Variants in ARHGAP10 observed in about 807,000 individuals in gnomAD.
ARHGAP10 encodes the protein rho GTPase-activating protein 10.
In ARHGAP10, 87 loss-of-function variants were observed where a neutral mutation model predicts 108.6. That is an observed-to-expected ratio of 0.80 (90% CI 0.67 to 0.96). The LOEUF (loss-of-function observed/expected upper bound fraction) is 0.96. ARHGAP10 is among the 40% of genes least tolerant of loss of function. ARHGAP10 has a pLI of 0.00. For synonymous variants in ARHGAP10, 347 were observed against 341.1 expected, an observed-to-expected ratio of 1.02 and a Z score of -0.19; for missense variants, 939 against 954.5, an observed-to-expected ratio of 0.98 and a Z score of 0.21.
intron 10 of ARHGAP10, among the ~76,000 whole-genome samples, chr4:147,898,389 T>C (rs1415313608): frequency 1.3e-5 from 2 of 152,054 alleles, no homozygotes; most frequent in Non-Finnish European, 2.9e-5. Flanking sequence ...TTCTTATCAG[T>C]CTCTCCTCTC....
At chr4:147,855,000 T>C (rs1014938561) in intron 4 of ARHGAP10, among the ~76,000 whole-genome samples, 4 of 152,208 alleles carry the variant, frequency 2.6e-5, no homozygotes, top group African/African-American at 9.7e-5. Context: ...GATTAAAGCG[T>C]CACCCCTTCC....
At chr4:148,017,430 T>G (rs992062905) in intron 18 of ARHGAP10, among the ~76,000 whole-genome samples, 2 of 152,100 alleles carry the variant, frequency 1.3e-5, no homozygotes, top group Non-Finnish European at 2.9e-5. Context: ...TTACCAGGTA[T>G]AGACAGTACC....
At chr4:148,037,282 CAGT>C (rs1469242970) in intron 19 of ARHGAP10, among the ~76,000 whole-genome samples, 1 of 152,164 alleles carries the variant, frequency 6.6e-6, no homozygotes, top group Non-Finnish European at 1.5e-5. Flanking sequence ...ACTGCTGCCC[CAGT>C]AGTTTCAAAA....
rs1560756538 is a variant in ARHGAP10 at position 147,784,685 on chromosome 4, A to AT, written c.155-38042_155-38041insT. 7.3e-4 allele frequency among the ~76,000 whole-genome samples: 61 copies of AT among 83,022 alleles called. 22 individuals carry two copies. The highest frequency in any genetic ancestry group is 1.2e-3 in the Admixed American group (6 of 5,038). 54.5% of individuals were successfully genotyped at this position (83,022 alleles called of 152,430 possible). ...AATATATATTATATATTATAAATAT[A>AT]AAATATATATTATAAAATATATATT... On this transcript the variant is annotated intron_variant, in intron 1 of 22. Transcript: ENST00000336498.
chr4:147,944,834 C>T (rs981161548), intron 14 of ARHGAP10, among the ~76,000 whole-genome samples: 1 of 152,056 alleles, frequency 6.6e-6, no homozygotes, highest in African/African-American at 2.4e-5. Context: ...CAATATCATT[C>T]GTCGTAACCC....
intron 4 of ARHGAP10, chr4:147,854,942 G>C: frequency 1.1e-6 from 1 of 893,026 alleles, no homozygotes; most frequent in Non-Finnish European, 1.3e-6. Context: ...CCCACATGTT[G>C]ATTTTCATAG....
chr4:148,013,391 G>GT (rs1414566325), intron 18 of ARHGAP10, among the ~76,000 whole-genome samples: 1 of 152,132 alleles, frequency 6.6e-6, no homozygotes, highest in Non-Finnish European at 1.5e-5. Flanking sequence ...GAATGAAGAG[G>GT]TCCATGGCTT....
At chr4:148,045,820 T>C (rs1175827282) in intron 19 of ARHGAP10, among the ~76,000 whole-genome samples, 3 of 152,138 alleles carry the variant, frequency 2.0e-5, no homozygotes, top group Non-Finnish European at 4.4e-5. Context: ...GCTGGTGTTC[T>C]TGCTTGCTTT....
At chr4:148,016,367 G>T (rs751714329) in intron 18 of ARHGAP10, among the ~76,000 whole-genome samples, 4 of 152,012 alleles carry the variant, frequency 2.6e-5, no homozygotes, top group Non-Finnish European at 5.9e-5. Context: ...CTTGGTTGTG[G>T]TGGCACGCGC....
At chr4:147,805,052 C>T (rs749914002) in intron 1 of ARHGAP10, among the ~76,000 whole-genome samples, 2 of 152,106 alleles carry the variant, frequency 1.3e-5, no homozygotes, top group Non-Finnish European at 2.9e-5. Flanking sequence ...TTGGCTAGGT[C>T]CTCTATCCAG....
intron 4 of ARHGAP10, among the ~76,000 whole-genome samples, chr4:147,853,081 C>T (rs1303553722): frequency 6.6e-6 from 1 of 152,148 alleles, no homozygotes; most frequent in African/African-American, 2.4e-5. Flanking sequence ...TGTTCAGGGT[C>T]GCAGGTGGCT....
chr4:147,962,491 T>G (rs527881596), intron 16 of ARHGAP10, among the ~76,000 whole-genome samples: 1 of 152,296 alleles, frequency 6.6e-6, no homozygotes, highest in African/African-American at 2.4e-5. Context: ...GTTAGTTAGG[T>G]AATTTGTTCA....
At chr4:148,054,642 C>T (rs1376336471) in intron 20 of ARHGAP10, among the ~76,000 whole-genome samples, 33 of 152,274 alleles carry the variant, frequency 2.2e-4, no homozygotes, top group Admixed American at 1.9e-3. Flanking sequence ...TATTTATTCC[C>T]GGAGGACTCA....
At chr4:147,966,249 T>G (rs1178148239) in intron 17 of ARHGAP10, among the ~76,000 whole-genome samples, 1 of 152,218 alleles carries the variant, frequency 6.6e-6, no homozygotes, top group African/African-American at 2.4e-5. Flanking sequence ...AGTTGGCTCT[T>G]TGTGAGTCCT....
chr4:147,865,891 G>C (rs1483360048), intron 6 of ARHGAP10: 1 of 152,178 alleles, frequency 6.6e-6, no homozygotes, highest in African/African-American at 2.4e-5. Flanking sequence ...ATAATGCTCA[G>C]TCTCTGTTCA....
At chr4:147,923,314 C>A (rs558661352) in intron 13 of ARHGAP10, among the ~76,000 whole-genome samples, 2 of 152,158 alleles carry the variant, frequency 1.3e-5, no homozygotes, top group Non-Finnish European at 2.9e-5. Flanking sequence ...AATGAGCCGC[C>A]CCCCATGAGC....
intron 8 of ARHGAP10, among the ~76,000 whole-genome samples, chr4:147,875,704 A>G (rs1360739456): frequency 6.6e-6 from 1 of 152,222 alleles, no homozygotes; most frequent in African/African-American, 2.4e-5. Context: ...ATCATCAGGA[A>G]GATTGCAGAT....
intron 14 of ARHGAP10, among the ~76,000 whole-genome samples, chr4:147,943,419 A>G (rs1738235067): frequency 1.3e-5 from 2 of 152,262 alleles, no homozygotes; most frequent in Admixed American, 1.3e-4. Flanking sequence ...TGAAAAGTAT[A>G]AAACATATTT....
chr4:147,917,446 G>C (rs1266670078), intron 13 of ARHGAP10: 1 of 152,220 alleles, frequency 6.6e-6, no homozygotes, highest in Admixed American at 6.5e-5. Flanking sequence ...CTGACAGCTC[G>C]ATTGTGAAGT....
Sources: allele counts gnomAD v4.1 joint callset (sites outside exome capture counted in the v4.1 genomes callset), GRCh38; gene constraint gnomAD v4.1.1; transcripts MANE v1.5; gene names NCBI Gene and HGNC (gene_info 2026-07-23, HGNC 2026-07-21).